Variants in HORMAD2 observed in about 807,000 individuals in gnomAD.
HORMAD2 encodes the protein HORMA domain-containing protein 2.
Under a neutral mutation model 38.8 loss-of-function variants are expected in HORMAD2, and 45 were observed. That is an observed-to-expected ratio of 1.16 (90% confidence interval 0.91 to 1.49). HORMAD2 has a LOEUF of 1.49. HORMAD2 is among the 40% of genes most tolerant of loss of function. HORMAD2 has a pLI of 0.00. For missense variants in HORMAD2, 338 were observed against 367.0 expected, an observed-to-expected ratio of 0.92 and a Z score of 0.65; for synonymous variants, 126 against 122.8, an observed-to-expected ratio of 1.03 and a Z score of -0.17.
intron 10 of HORMAD2, among the ~76,000 whole-genome samples, chr22:30,125,350 T>C (rs1247718043): frequency 6.7e-6 from 1 of 149,566 alleles, no homozygotes; most frequent in Non-Finnish European, 1.5e-5. Context: ...CGCCTCAGCC[T>C]CCTGAGTAGC....
Position 30,136,046 on chromosome 22 carries a change from G to A in HORMAD2, c.819+13832G>A, listed in dbSNP as rs532845146. 2.6e-5 allele frequency among the ~76,000 whole-genome samples: 4 copies of A among 152,294 alleles called. No homozygotes were observed. In the South Asian group the frequency reaches 8.3e-4, roughly 32 times the overall value. On this transcript the variant is annotated intron_variant, in intron 10 of 10. Coordinates refer to ENST00000336726, the MANE Select transcript of HORMAD2 (RefSeq NM_152510.4). ...AAACAGCTGTTATACCAAGTACAAT[G>A]ATAGCCTATGTTTACACACAAAAAT...
At chr22:30,124,790 G>A (rs532253421) in intron 10 of HORMAD2, among the ~76,000 whole-genome samples, 2 of 152,162 alleles carry the variant, frequency 1.3e-5, no homozygotes, top group African/African-American at 4.8e-5. Context: ...TGTCTCTTGG[G>A]AATATATGAA....
intron 3 of HORMAD2, among the ~76,000 whole-genome samples, chr22:30,101,011 G>A (rs1920939648): frequency 6.6e-6 from 1 of 152,152 alleles, no homozygotes; most frequent in Non-Finnish European, 1.5e-5. Context: ...CAACCATTGT[G>A]GAAGACAGTG....
the HORMAD2 span, among the ~76,000 whole-genome samples, chr22:30,191,102 G>A: frequency 1.3e-5 from 2 of 152,156 alleles, no homozygotes; most frequent in Non-Finnish European, 2.9e-5. Context: ...TCCCTGCTCT[G>A]AGAAGTTGAT....
At chr22:30,167,230 A>T (rs1169287881) in intron 10 of HORMAD2, among the ~76,000 whole-genome samples, 1 of 152,146 alleles carries the variant, frequency 6.6e-6, no homozygotes, top group Non-Finnish European at 1.5e-5. Context: ...TCTTACAAGG[A>T]TACATCTGAT....
At chr22:30,204,203 G>A in the HORMAD2 span, among the ~76,000 whole-genome samples, 1 of 152,138 alleles carries the variant, frequency 6.6e-6, no homozygotes, top group Non-Finnish European at 1.5e-5. Context: ...CAGACAGATG[G>A]TAGCAAAGGC....
chr22:30,182,616 T>G, the HORMAD2 span, among the ~76,000 whole-genome samples: 1 of 152,130 alleles, frequency 6.6e-6, no homozygotes, highest in Non-Finnish European at 1.5e-5. Flanking sequence ...TGACAAGTGA[T>G]AGATAACCAG....
rs1001913049 is a variant in HORMAD2 at position 30,134,950 on chromosome 22, A to G, written c.819+12736A>G. Among the ~76,000 whole-genome samples, 3 of 152,182 alleles carry G rather than the reference A, an allele frequency of 2.0e-5. No homozygotes were observed. In the East Asian group the frequency reaches 5.8e-4, roughly 29 times the overall value. ...AAAGGCTGTGTATATTTGTGAACCCAATTAATCCCAACAACAACTTTGCGT... is the reference window on the plus strand; with the variant it reads ...AAAGGCTGTGTATATTTGTGAACCCGATTAATCCCAACAACAACTTTGCGT... On this transcript the variant is annotated intron_variant, in intron 10 of 10. Coordinates refer to ENST00000336726, the MANE Select transcript of HORMAD2 (RefSeq NM_152510.4).
At chr22:30,174,829 T>C (rs939526639) in intron 10 of HORMAD2, among the ~76,000 whole-genome samples, 6 of 152,198 alleles carry the variant, frequency 3.9e-5, no homozygotes, top group African/African-American at 1.4e-4. Flanking sequence ...GCTTTGACTT[T>C]TTATGTTGCT....
At chr22:30,156,598 C>T (rs1024512884) in intron 10 of HORMAD2, among the ~76,000 whole-genome samples, 17 of 152,166 alleles carry the variant, frequency 1.1e-4, no homozygotes, top group Non-Finnish European at 2.1e-4. Context: ...TGATGCCTGA[C>T]GCCCTTGGAT....
intron 10 of HORMAD2, among the ~76,000 whole-genome samples, chr22:30,175,065 A>G (rs751931732): frequency 2.6e-5 from 4 of 151,548 alleles, no homozygotes; most frequent in East Asian, 1.9e-4. Flanking sequence ...TTGTTCCTAA[A>G]TGACACTTAA....
intron 10 of HORMAD2, among the ~76,000 whole-genome samples, chr22:30,131,541 T>C (rs1923284134): frequency 6.6e-6 from 1 of 152,178 alleles, no homozygotes; most frequent in African/African-American, 2.4e-5. Flanking sequence ...GAAGCATAAA[T>C]AATTCATACA....
chr22:30,188,782 C>T, the HORMAD2 span, among the ~76,000 whole-genome samples: 1 of 152,104 alleles, frequency 6.6e-6, no homozygotes. Context: ...CCACTTCCTA[C>T]AGTCACTAGT....
chr22:30,111,818 T>C lies in HORMAD2; in HGVS notation c.315+2T>C. The C allele has an allele frequency of 6.4e-7, 1 of 1,572,368 alleles. No homozygotes were observed. The highest frequency in any genetic ancestry group is 2.3e-5 in the East Asian group (1 of 43,460). Reference sequence around the variant, plus strand: ...AAGCTACGTATGGCAGTACTGACAGTAAGTACACACTCATTTAAAGACCAA... The same window carrying C: ...AAGCTACGTATGGCAGTACTGACAGCAAGTACACACTCATTTAAAGACCAA... On this transcript the variant is annotated splice_donor_variant, in intron 6 of 10. Coordinates refer to ENST00000336726, the MANE Select transcript of HORMAD2 (RefSeq NM_152510.4). LOFTEE classifies it high-confidence loss of function.
At chr22:30,175,369 G>A (rs1241574966) in intron 10 of HORMAD2, among the ~76,000 whole-genome samples, 3 of 131,096 alleles carry the variant, frequency 2.3e-5, no homozygotes, top group East Asian at 4.5e-4. Flanking sequence ...AAAAACATAG[G>A]ACATGGAAAA....
At chr22:30,137,076 A>G (rs2899147) in intron 10 of HORMAD2, 246,989 of 366,262 alleles carry the variant, frequency 0.67, 86,141 homozygotes, top group South Asian at 0.86. Flanking sequence ...ATAATCATTG[A>G]TAGTCTTGAC....
chr22:30,150,403 T>C (rs564865534), intron 10 of HORMAD2, among the ~76,000 whole-genome samples: 21 of 152,304 alleles, frequency 1.4e-4, no homozygotes, highest in African/African-American at 4.6e-4. Context: ...GAATTGTCTC[T>C]TATGTCAGAG....
chr22:30,118,626 G>A (rs2146122959), intron 7 of HORMAD2, among the ~76,000 whole-genome samples: 1 of 152,302 alleles, frequency 6.6e-6, no homozygotes, highest in Non-Finnish European at 1.5e-5. Flanking sequence ...CCAGTGACTG[G>A]CACAAAGTAG....
upstream of HORMAD2, among the ~76,000 whole-genome samples, chr22:30,079,055 T>C (rs1412524094): frequency 1.3e-5 from 2 of 152,184 alleles, no homozygotes; most frequent in Non-Finnish European, 2.9e-5. Flanking sequence ...AAAAGAATAT[T>C]TCAGCCCAAA....
Sources: allele counts gnomAD v4.1 joint callset (sites outside exome capture counted in the v4.1 genomes callset), GRCh38; gene constraint gnomAD v4.1.1; transcripts MANE v1.5; gene names NCBI Gene and HGNC (gene_info 2026-07-23, HGNC 2026-07-21).